Variants in ATRNL1 observed in about 807,000 individuals in gnomAD.
The protein encoded by ATRNL1 is attractin-like protein 1.
In ATRNL1, 95 loss-of-function variants were observed where a neutral mutation model predicts 182.7. The observed-to-expected ratio is 0.52, with a 90% CI of 0.44 to 0.62. The LOEUF is 0.62. Among genes scored for constraint, ATRNL1 ranks in the 20% least tolerant of loss-of-function variants. The probability of loss-of-function intolerance (pLI) is 0.00; values close to 1 mark genes in which losing one functional copy is unlikely to be tolerated. For missense variants in ATRNL1, 1,471 were observed against 1,679.5 expected (o/e 0.88, Z 2.17); for synonymous variants, 576 against 568.3 (o/e 1.01, Z -0.19).
rs1314370621 is a variant in ATRNL1, at chr10:115,267,018, T to A, written c.1981+13T>A. 6.4e-7 allele frequency: 1 copy of A among 1,574,616 alleles called. No homozygotes were observed. Among genetic ancestry groups the A allele is most frequent in the Non-Finnish European group, 8.7e-7 (1 of 1,151,664 alleles). On this transcript the variant is annotated intron_variant, in intron 12 of 28. Coordinates refer to ENST00000355044, the MANE Select transcript of ATRNL1 (RefSeq NM_207303.4). ...CCTCCTAAAACAGGTAAATTTCTTT[T>A]TCTTTTCGTCTTTGTGGCAGCAAAA...
intron 24 of ATRNL1, among the ~76,000 whole-genome samples, chr10:115,491,158 G>T (rs1469398539): frequency 6.6e-6 from 1 of 152,118 alleles, no homozygotes; most frequent in Admixed American, 6.5e-5. Flanking sequence ...TCCTGTATGA[G>T]GGGTCTGTCA....
At position 115,906,132 on chromosome 10, in the gene ATRNL1, A is replaced by T. The variant is rs79609007; in HGVS notation, c.4019-38526A>T. Among the ~76,000 whole-genome samples, 670 of 152,304 alleles carry T rather than the reference A, an allele frequency of 4.4e-3. 7 individuals carry two copies. Among genetic ancestry groups the T allele is most frequent in the African/African-American group, 0.015 (622 of 41,574 alleles). Reference sequence around the variant, plus strand: ...ATACCCACATTATTCTCATTGATTGACTTTACAACAAGTAAATATTTACTG... The same window carrying T: ...ATACCCACATTATTCTCATTGATTGTCTTTACAACAAGTAAATATTTACTG... On this transcript the variant is annotated intron_variant, in intron 28 of 28. Coordinates refer to ENST00000355044, the MANE Select transcript of ATRNL1 (RefSeq NM_207303.4).
At chr10:115,893,013 G>C (rs1469538636) in intron 28 of ATRNL1, among the ~76,000 whole-genome samples, 5 of 152,170 alleles carry the variant, frequency 3.3e-5, no homozygotes, top group African/African-American at 1.2e-4. Flanking sequence ...GAAACCTAGG[G>C]AGGAGAGAAT....
intron 19 of ATRNL1, among the ~76,000 whole-genome samples, chr10:115,339,521 G>A (rs1054646899): frequency 4.6e-5 from 7 of 151,910 alleles, no homozygotes; most frequent in Admixed American, 2.0e-4. Flanking sequence ...TTCACTATTG[G>A]CATATAGAAA....
In ATRNL1 at chr10:115,315,506, C is replaced by T. The variant is rs539610385; in HGVS notation, c.2819-12C>T. On this transcript the variant is annotated splice_polypyrimidine_tract_variant and intron_variant, in intron 17 of 28. Coordinates refer to ENST00000355044, the MANE Select transcript of ATRNL1 (RefSeq NM_207303.4). ...TCATGTTAACATATTTGTCAATGTT[C>T]CTGTCACGCAGCTCAAAATTGTTCT... is the stretch of plus-strand genomic sequence containing the variant. 49 of 1,582,958 alleles carry T rather than the reference C, an allele frequency of 3.1e-5. No homozygotes were observed. The South Asian group carries it at 4.2e-4, about 13-fold the overall frequency.
intron 1 of ATRNL1, among the ~76,000 whole-genome samples, chr10:115,115,431 TG>T (rs1378209163): frequency 1.3e-5 from 2 of 152,134 alleles, no homozygotes; most frequent in African/African-American, 2.4e-5. Flanking sequence ...AATATGTATG[TG>T]GGGTGATGGG....
chr10:115,250,633 A>G (rs1486668794), intron 10 of ATRNL1, among the ~76,000 whole-genome samples: 1 of 152,180 alleles, frequency 6.6e-6, no homozygotes, highest in African/African-American at 2.4e-5. Context: ...GAGGCCTACC[A>G]GATGGTTTGC....
chr10:115,181,484 T>G (rs1369444179), intron 8 of ATRNL1, among the ~76,000 whole-genome samples: 2 of 151,798 alleles, frequency 1.3e-5, no homozygotes, highest in African/African-American at 2.4e-5. Flanking sequence ...GAACATTTAC[T>G]TGTTAAAAAA....
chr10:115,916,230 A>G (rs1952846065), intron 28 of ATRNL1, among the ~76,000 whole-genome samples: 1 of 152,232 alleles, frequency 6.6e-6, no homozygotes, highest in South Asian at 2.1e-4. Flanking sequence ...CTGGGAGGCA[A>G]TGACTCCATG....
chr10:115,299,213 A>G (rs963049094), intron 15 of ATRNL1, among the ~76,000 whole-genome samples: 7 of 151,988 alleles, frequency 4.6e-5, no homozygotes, highest in Non-Finnish European at 4.4e-5. Flanking sequence ...AATATAAAAA[A>G]TTGTAAAGAT....
At chr10:115,692,295 C>G (rs1329995298) in intron 26 of ATRNL1, among the ~76,000 whole-genome samples, 1 of 152,132 alleles carries the variant, frequency 6.6e-6, no homozygotes, top group Non-Finnish European at 1.5e-5. Context: ...GCAGACAGAA[C>G]TATTTATTCT....
intron 24 of ATRNL1, among the ~76,000 whole-genome samples, chr10:115,507,106 A>G (rs913584892): frequency 1.3e-5 from 2 of 152,092 alleles, no homozygotes; most frequent in Non-Finnish European, 2.9e-5. Context: ...GGAAGACTTG[A>G]AGCAGGGAGG....
chr10:115,241,779 A>G, intron 10 of ATRNL1, 54 bp downstream of exon 10: 3 of 1,457,268 alleles, frequency 2.1e-6, no homozygotes, highest in Non-Finnish European at 2.8e-6. Context: ...TTTTCCATAT[A>G]GATATTCTCA....
At chr10:115,445,185 T>C (rs1565050445) in intron 21 of ATRNL1, among the ~76,000 whole-genome samples, 1 of 150,830 alleles carries the variant, frequency 6.6e-6, no homozygotes, top group African/African-American at 2.4e-5. Flanking sequence ...TCCTAGCACT[T>C]TGGGAGACTG....
rs983482777 is a variant in ATRNL1, at chr10:115,637,548, A to G, written c.3795+88012A>G. 1.3e-4 allele frequency among the ~76,000 whole-genome samples: 19 copies of G among 151,318 alleles called. No homozygotes were observed. In the East Asian group the frequency reaches 2.9e-3, roughly 23 times the overall value. ...TTATGGAAGTCAGAAAATTAAAAAA[A>G]TTACAAAGCTTATAAAGTAAAATAA... On this transcript the variant is annotated intron_variant, in intron 26 of 28. Transcript: ENST00000355044.
intron 28 of ATRNL1, among the ~76,000 whole-genome samples, chr10:115,924,141 G>GAT (rs1245783988): frequency 6.6e-6 from 1 of 152,106 alleles, no homozygotes; most frequent in Non-Finnish European, 1.5e-5. Context: ...GTAAAATCTG[G>GAT]ATATTAGACC....
intron 24 of ATRNL1, among the ~76,000 whole-genome samples, chr10:115,513,194 G>T (rs1850476470): frequency 6.6e-6 from 1 of 151,946 alleles, no homozygotes; most frequent in Admixed American, 6.6e-5. Flanking sequence ...TGGAACTGCT[G>T]TATGCTATTG....
rs892870551 is a variant in ATRNL1 at position 115,098,458 on chromosome 10, T to C, written c.293+4415T>C. On this transcript the variant is annotated intron_variant, in intron 1 of 28. Transcript: ENST00000355044. ...CTTAGCTTAAATACTAGTTTCTTTTTTTTTTTTTTTTTTTTTTTTTTGAGA... is the reference window on the plus strand; with the variant it reads ...CTTAGCTTAAATACTAGTTTCTTTTCTTTTTTTTTTTTTTTTTTTTTGAGA... 2.4e-4 allele frequency among the ~76,000 whole-genome samples: 17 copies of C among 70,710 alleles called. No individual in the cohort carries two copies. In the South Asian group the frequency reaches 6.9e-3, roughly 29 times the overall value. 46.4% of individuals were successfully genotyped at this position (70,710 alleles called of 152,430 possible).
At chr10:115,200,825 C>T (rs1427263969) in intron 8 of ATRNL1, among the ~76,000 whole-genome samples, 2 of 146,910 alleles carry the variant, frequency 1.4e-5, no homozygotes, top group East Asian at 2.0e-4. Context: ...AATGGTTGAA[C>T]TAGTTTACAG....
Sources: allele counts gnomAD v4.1 joint callset (sites outside exome capture counted in the v4.1 genomes callset), GRCh38; gene constraint gnomAD v4.1.1; transcripts MANE v1.5; gene names NCBI Gene and HGNC (gene_info 2026-07-23, HGNC 2026-07-21).